The following KCNJ3 variants were observed in gnomAD, a reference collection of about 807,000 sequenced individuals.
KCNJ3 encodes G protein-activated inward rectifier potassium channel 1.
In KCNJ3, 4 loss-of-function variants were observed where a neutral mutation model predicts 39.2. The ratio of observed to expected loss-of-function variants is 0.10; its 90% CI spans 0.05 to 0.23. KCNJ3 has a LOEUF of 0.23. Among genes scored for constraint, KCNJ3 ranks in the 10% least tolerant of loss-of-function variants. The probability of loss-of-function intolerance (pLI) is 1.00; values close to 1 mark genes in which losing one functional copy is unlikely to be tolerated. For synonymous variants in KCNJ3, 230 were observed against 237.4 expected (o/e 0.97, Z 0.29); for missense variants, 276 against 634.9 (o/e 0.43, Z 6.08).
intron 2 of KCNJ3, among the ~76,000 whole-genome samples, chr2:154,733,128 T>C (rs1396462617): frequency 1.3e-5 from 2 of 152,188 alleles, no homozygotes; most frequent in Non-Finnish European, 2.9e-5. Context: ...CCATATTGGG[T>C]GTTGAAACAG....
Position 154,787,191 on chromosome 2 carries a change from A to G in KCNJ3, c.920-67536A>G, listed in dbSNP as rs1686545243. Among the ~76,000 whole-genome samples the G allele has an allele frequency of 2.6e-5, 4 of 152,340 alleles. 1 individual carries two copies. In the South Asian group the frequency reaches 8.3e-4, roughly 32 times the overall value. ...TGTTGTGGAATTATGGCTCTCTTTC[A>G]TCCTCCTCGCATTTTCAATAACACT... On this transcript the variant is annotated intron_variant, in intron 2 of 2. Coordinates refer to ENST00000295101, the MANE Select transcript of KCNJ3 (RefSeq NM_002239.4).
intron 2 of KCNJ3, among the ~76,000 whole-genome samples, chr2:154,792,985 G>A (rs1248449726): frequency 6.6e-6 from 1 of 152,050 alleles, no homozygotes; most frequent in African/African-American, 2.4e-5. Context: ...AAAGGCCAGA[G>A]TTGTACTAAT....
At chr2:154,813,870 T>G (rs1687040817) in intron 2 of KCNJ3, among the ~76,000 whole-genome samples, 1 of 152,198 alleles carries the variant, frequency 6.6e-6, no homozygotes, top group Non-Finnish European at 1.5e-5. Context: ...TGCTTTACAC[T>G]CTTACTGAAC....
chr2:154,802,225 C>T (rs762504122), intron 2 of KCNJ3, among the ~76,000 whole-genome samples: 1 of 151,020 alleles, frequency 6.6e-6, no homozygotes, highest in African/African-American at 2.4e-5. Context: ...TTCTCTTATG[C>T]GCTACCTGTA....
intron 2 of KCNJ3, among the ~76,000 whole-genome samples, chr2:154,715,641 CTGT>C (rs1685169274): frequency 6.6e-6 from 1 of 152,216 alleles, no homozygotes. Context: ...ATCTATCGCA[CTGT>C]TAACACATTT....
rs187190465 is a variant in KCNJ3 at position 154,722,552 on chromosome 2, G to C, written c.919+12733G>C. 3.5e-3 allele frequency among the ~76,000 whole-genome samples: 527 copies of C among 152,318 alleles called. 4 individuals are homozygous for C. Among genetic ancestry groups the C allele is most frequent in the African/African-American group, 0.012 (514 of 41,578 alleles). ...TAGAGGTAGAGTGTGTGTGAGCTAA[G>C]TGTATTTCAGGAGATGTTAGTGGAA... is the stretch of plus-strand genomic sequence containing the variant. On this transcript the variant is annotated intron_variant, in intron 2 of 2. Coordinates refer to ENST00000295101, the MANE Select transcript of KCNJ3 (RefSeq NM_002239.4).
intron 2 of KCNJ3, among the ~76,000 whole-genome samples, chr2:154,787,378 G>A (rs372772686): frequency 6.6e-6 from 1 of 151,688 alleles, no homozygotes; most frequent in Non-Finnish European, 1.5e-5. Context: ...ACCTTTAGTA[G>A]AATTTCAACA....
chr2:154,769,229 T>A (rs1017042270), intron 2 of KCNJ3, among the ~76,000 whole-genome samples: 1 of 152,178 alleles, frequency 6.6e-6, no homozygotes, highest in Non-Finnish European at 1.5e-5. Context: ...CTATGTTGAA[T>A]AGGAGTGGTG....
intron 2 of KCNJ3, among the ~76,000 whole-genome samples, chr2:154,723,123 A>C (rs1393117487): frequency 6.6e-6 from 1 of 151,886 alleles, no homozygotes; most frequent in Non-Finnish European, 1.5e-5. Flanking sequence ...TATCTGCAAA[A>C]ATTACAAAAA....
chr2:154,827,461 A>T (rs999810663), intron 2 of KCNJ3, among the ~76,000 whole-genome samples: 5 of 152,112 alleles, frequency 3.3e-5, no homozygotes, highest in African/African-American at 1.2e-4. Context: ...ATTTTTCCTA[A>T]ATCAGTTTAA....
chr2:154,794,575 A>C (rs1558875787), intron 2 of KCNJ3, among the ~76,000 whole-genome samples: 1 of 151,984 alleles, frequency 6.6e-6, no homozygotes, highest in Non-Finnish European at 1.5e-5. Flanking sequence ...ATATATCTAG[A>C]AGAGTGCTCA....
intron 2 of KCNJ3, among the ~76,000 whole-genome samples, chr2:154,747,809 G>A (rs1306126460): frequency 2.0e-5 from 3 of 152,122 alleles, no homozygotes; most frequent in East Asian, 1.9e-4. Context: ...GATAGGTGAT[G>A]TATGGCTCCT....
At chr2:154,852,226 G>T (rs1420031475) in intron 2 of KCNJ3, among the ~76,000 whole-genome samples, 1 of 151,986 alleles carries the variant, frequency 6.6e-6, no homozygotes, top group African/African-American at 2.4e-5. Flanking sequence ...AAGTGGCTGG[G>T]TTCAAGATGA....
chr2:154,751,053 T>C (rs1415807613), intron 2 of KCNJ3, among the ~76,000 whole-genome samples: 11 of 151,956 alleles, frequency 7.2e-5, no homozygotes, highest in Non-Finnish European at 1.6e-4. Flanking sequence ...CGGTGTATAC[T>C]TCTCGGGTGA....
chr2:154,714,540 C>T (rs184252288), intron 2 of KCNJ3, among the ~76,000 whole-genome samples: 38 of 152,226 alleles, frequency 2.5e-4, no homozygotes, highest in Admixed American at 1.4e-3. Flanking sequence ...AACTTACCCC[C>T]AGCTATGGTC....
intron 2 of KCNJ3, among the ~76,000 whole-genome samples, chr2:154,811,413 A>C (rs1687005730): frequency 6.6e-6 from 1 of 152,106 alleles, no homozygotes; most frequent in African/African-American, 2.4e-5. Context: ...CCGCCTCCCA[A>C]GTAGCTGGGA....
intron 2 of KCNJ3, among the ~76,000 whole-genome samples, chr2:154,766,742 G>C (rs1486618992): frequency 6.6e-6 from 1 of 151,952 alleles, no homozygotes; most frequent in Non-Finnish European, 1.5e-5. Flanking sequence ...TTTCAGTAGA[G>C]ATGGGGTTTC....
At chr2:154,839,405 G>GTGTC (rs1442626544) in intron 2 of KCNJ3, among the ~76,000 whole-genome samples, 1 of 152,200 alleles carries the variant, frequency 6.6e-6, no homozygotes, top group Non-Finnish European at 1.5e-5. Flanking sequence ...ATGTGTGTGT[G>GTGTC]TGTCTTTATA....
At chr2:154,752,127 T>C (rs758997268) in intron 2 of KCNJ3, among the ~76,000 whole-genome samples, 5 of 152,078 alleles carry the variant, frequency 3.3e-5, no homozygotes, top group Admixed American at 6.6e-5. Flanking sequence ...TACATTTCCA[T>C]ACAAATAAAA....
Sources: allele counts gnomAD v4.1 joint callset (sites outside exome capture counted in the v4.1 genomes callset), GRCh38; gene constraint gnomAD v4.1.1; transcripts MANE v1.5; gene names NCBI Gene and HGNC (gene_info 2026-07-23, HGNC 2026-07-21).